SLC7A2: variants seen among roughly 807,000 people sequenced by gnomAD.
The protein encoded by SLC7A2 is cationic amino acid transporter 2.
Under a neutral mutation model 58.9 loss-of-function variants are expected in SLC7A2, and 48 were observed. The observed-to-expected ratio is 0.82, with a 90% CI of 0.65 to 1.04. The LOEUF (loss-of-function observed/expected upper bound fraction) is 1.04. SLC7A2 is among the 50% of genes least tolerant of loss of function. SLC7A2 has a pLI of 0.00. For synonymous variants in SLC7A2, 363 were observed against 314.5 expected (o/e 1.15, Z -1.63); for missense variants, 1,029 against 818.8 (o/e 1.26, Z -3.13).
chr8:17,532,829 C>T (rs1348723512), intron 2 of SLC7A2, among the ~76,000 whole-genome samples: 2 of 152,182 alleles, frequency 1.3e-5, no homozygotes, highest in South Asian at 2.1e-4. Flanking sequence ...AAAATATATC[C>T]ATATACACAT....
At chr8:17,561,256 A>T (rs1049842040) in intron 10 of SLC7A2, among the ~76,000 whole-genome samples, 16 of 152,336 alleles carry the variant, frequency 1.1e-4, no homozygotes, top group African/African-American at 3.6e-4. Flanking sequence ...ATTATAAAGA[A>T]AAAGGTTTAA....
intron 2 of SLC7A2, among the ~76,000 whole-genome samples, chr8:17,524,391 G>A (rs1472400547): frequency 6.8e-6 from 1 of 148,008 alleles, no homozygotes; most frequent in Non-Finnish European, 1.5e-5. Context: ...GAAAGAAAAT[G>A]TGAGATATAC....
intron 2 of SLC7A2, among the ~76,000 whole-genome samples, chr8:17,541,116 G>A (rs1221703060): frequency 6.6e-6 from 1 of 152,088 alleles, no homozygotes; most frequent in Non-Finnish European, 1.5e-5. Flanking sequence ...AGTTGGCAGT[G>A]GTTCCTACTC....
At chr8:17,499,392 G>C (rs1800069418) in intron 1 of SLC7A2, among the ~76,000 whole-genome samples, 1 of 137,450 alleles carries the variant, frequency 7.3e-6, no homozygotes, top group Admixed American at 7.7e-5. Context: ...CCCTCTCTCT[G>C]TCCCTCTTCC....
chr8:17,528,948 G>A (rs1220376233), intron 2 of SLC7A2, among the ~76,000 whole-genome samples: 3 of 151,764 alleles, frequency 2.0e-5, no homozygotes, highest in Non-Finnish European at 4.4e-5. Context: ...GCCGCCTGTC[G>A]GGGATGAAAG....
intron 2 of SLC7A2, among the ~76,000 whole-genome samples, chr8:17,529,797 A>C (rs1290912576): frequency 6.6e-6 from 1 of 152,024 alleles, no homozygotes; most frequent in East Asian, 1.9e-4. Context: ...TTGGCCTACC[A>C]ACATGCTGGG....
intron 4 of SLC7A2, 140 bp from the exon 5 acceptor site, chr8:17,548,538 A>G: frequency 1.6e-6 from 1 of 612,274 alleles, no homozygotes; most frequent in Non-Finnish European, 2.8e-6. Context: ...CTAATGAGTA[A>G]GAACTAGCAG....
At chr8:17,543,813 T>G in intron 3 of SLC7A2, 98 bp downstream of exon 3, 3 of 1,057,782 alleles carry the variant, frequency 2.8e-6, no homozygotes, top group Non-Finnish European at 2.7e-6. Context: ...GGTACATCAC[T>G]TGATGTCTGT....
At chr8:17,505,757 A>G (rs1800340401) in intron 2 of SLC7A2, among the ~76,000 whole-genome samples, 1 of 152,326 alleles carries the variant, frequency 6.6e-6, no homozygotes. Context: ...TTGAAATCTA[A>G]TCTTGCCAGT....
chr8:17,563,038 G>A (rs1236056983), intron 11 of SLC7A2, among the ~76,000 whole-genome samples: 1 of 152,202 alleles, frequency 6.6e-6, no homozygotes, highest in African/African-American at 2.4e-5. Context: ...AGCTAGTCAG[G>A]AGGCTGAAGT....
chr8:17,536,162 G>T (rs1361740567), intron 2 of SLC7A2, among the ~76,000 whole-genome samples: 1 of 151,880 alleles, frequency 6.6e-6, no homozygotes, highest in Non-Finnish European at 1.5e-5. Flanking sequence ...AGAGCCCTTG[G>T]TATTCCTGGG....
intron 9 of SLC7A2, among the ~76,000 whole-genome samples, chr8:17,559,320 C>T (rs1419524629): frequency 6.6e-6 from 1 of 152,056 alleles, no homozygotes; most frequent in African/African-American, 2.4e-5. Flanking sequence ...GCTGGAGAGG[C>T]CTCAGGAAAC....
intron 2 of SLC7A2, among the ~76,000 whole-genome samples, chr8:17,534,283 A>T (rs1218194634): frequency 6.6e-6 from 1 of 152,202 alleles, no homozygotes; most frequent in Non-Finnish European, 1.5e-5. Flanking sequence ...TCAAAGTGGA[A>T]TTAAGGTAAT....
At chr8:17,556,294 G>A (rs78260862) in intron 8 of SLC7A2, among the ~76,000 whole-genome samples, 4,663 of 151,604 alleles carry the variant, frequency 0.031, 245 homozygotes, top group African/African-American at 0.11. Context: ...TTCTCTTTCC[G>A]GTAAAATACT....
chr8:17,554,430 A>T, intron 7 of SLC7A2, 130 bp from the exon 8 acceptor site: 3 of 692,154 alleles, frequency 4.3e-6, no homozygotes, highest in Non-Finnish European at 4.2e-6. Flanking sequence ...TGACATAATT[A>T]TTAATATAAA....
chr8:17,497,051 C>T (rs1328902767), upstream of SLC7A2: 2 of 150,734 alleles, frequency 1.3e-5, no homozygotes, highest in Non-Finnish European at 3.0e-5. Flanking sequence ...GCCCCCGCCC[C>T]GGGTGGCTAC....
chr8:17,498,497 T>C (rs1250507085), intron 1 of SLC7A2: 1 of 152,232 alleles, frequency 6.6e-6, no homozygotes, highest in Non-Finnish European at 1.5e-5. Flanking sequence ...TTATTTTAAT[T>C]GCACTGAAGC....
At chr8:17,558,542 T>C (rs1399946824) in intron 9 of SLC7A2, 145 bp downstream of exon 9, 3 of 520,320 alleles carry the variant, frequency 5.8e-6, no homozygotes, top group South Asian at 3.2e-5. Flanking sequence ...CAATGAAAAG[T>C]GGAAGAAGCG....
chr8:17,525,351 G>A (rs926027258), intron 2 of SLC7A2, among the ~76,000 whole-genome samples: 6 of 152,170 alleles, frequency 3.9e-5, no homozygotes, highest in African/African-American at 1.4e-4. Context: ...ACATCATGAT[G>A]TAGACCTTAA....
Sources: allele counts gnomAD v4.1 joint callset (sites outside exome capture counted in the v4.1 genomes callset), GRCh38; gene constraint gnomAD v4.1.1; transcripts MANE v1.5; gene names NCBI Gene and HGNC (gene_info 2026-07-23, HGNC 2026-07-21).